Variants in BLVRA observed in about 807,000 individuals in gnomAD.
The protein encoded by BLVRA is biliverdin reductase A, also known as BVR A.
A neutral mutation model predicts 32.8 loss-of-function variants in BLVRA; 22 were observed. The observed-to-expected ratio is 0.67, with a 90% CI of 0.48 to 0.96. BLVRA has a LOEUF of 0.96. Ranked by LOEUF, BLVRA falls within the 40% of genes least tolerant of loss-of-function variation. The pLI is 0.00. For missense variants in BLVRA, 323 were observed against 358.1 expected (o/e 0.90, Z 0.79); for synonymous variants, 119 against 141.3 (o/e 0.84, Z 1.12).
intron 5 of BLVRA, among the ~76,000 whole-genome samples, chr7:43,794,755 TA>T (rs1389424989): frequency 6.6e-6 from 1 of 152,224 alleles, no homozygotes; most frequent in East Asian, 1.9e-4. Context: ...AATATCACTT[TA>T]AATCCTGGCA....
rs142175237 is a variant in BLVRA, at chr7:43,800,289, G to T, written c.353-176G>T. ...ATTCATTTCTGTTGTAAGCTTAGAA[G>T]TAGCAGCCTCTTCAGCTGGGGTGGG... is the stretch of plus-strand genomic sequence containing the variant. On this transcript the variant is annotated intron_variant, in intron 5 of 7. Coordinates refer to ENST00000265523, the MANE Select transcript of BLVRA (RefSeq NM_000712.4). The T allele has an allele frequency of 2.5e-4, 160 of 644,452 alleles. No homozygotes were observed. In the East Asian group the frequency reaches 4.2e-3, roughly 17 times the overall value. The allele number at this position is 644,452 out of a possible 1,614,324, so 39.9% of individuals were successfully genotyped here.
At chr7:43,799,287 G>A (rs1233677656) in intron 5 of BLVRA, among the ~76,000 whole-genome samples, 2 of 152,162 alleles carry the variant, frequency 1.3e-5, no homozygotes, top group Admixed American at 1.3e-4. Flanking sequence ...ACCGTCCCAG[G>A]AGCATCTCCC....
intron 7 of BLVRA, among the ~76,000 whole-genome samples, chr7:43,805,828 C>T (rs1228409473): frequency 6.6e-6 from 1 of 152,102 alleles, no homozygotes; most frequent in Admixed American, 6.6e-5. Flanking sequence ...AATTCCTGGG[C>T]TCAAGCGATC....
At chr7:43,802,831 G>A (rs1021793459) in intron 6 of BLVRA, among the ~76,000 whole-genome samples, 4 of 152,028 alleles carry the variant, frequency 2.6e-5, no homozygotes, top group South Asian at 2.1e-4. Flanking sequence ...TCTGCCTCCC[G>A]GGCTAAAGTG....
chr7:43,791,154 G>A, intron 3 of BLVRA, 95 bp from the exon 4 acceptor site: 1 of 1,580,190 alleles, frequency 6.3e-7, no homozygotes, highest in Non-Finnish European at 8.6e-7. Flanking sequence ...ATTTCTGGCA[G>A]CAGATCACCA....
chr7:43,798,820 CAT>C (rs1236429851), intron 5 of BLVRA, among the ~76,000 whole-genome samples: 2 of 152,118 alleles, frequency 1.3e-5, no homozygotes, highest in African/African-American at 4.8e-5. Flanking sequence ...CTGTGGTTAC[CAT>C]GTGTGTTTAT....
At chr7:43,788,173 A>C in intron 3 of BLVRA, 148 bp downstream of exon 3, 2 of 1,440,684 alleles carry the variant, frequency 1.4e-6, no homozygotes, top group Non-Finnish European at 1.9e-6. Flanking sequence ...ATAAGATCTC[A>C]GGTTGGGATG....
intron 2 of BLVRA, among the ~76,000 whole-genome samples, chr7:43,781,854 G>A (rs849161): frequency 0.44 from 67,247 of 151,908 alleles, 15,430 homozygotes; most frequent in African/African-American, 0.58. Flanking sequence ...AGTCACAGGG[G>A]GTTAAGGAGC....
chr7:43,767,845 CAA>C (rs34361520), intron 1 of BLVRA, among the ~76,000 whole-genome samples: 1 of 147,826 alleles, frequency 6.8e-6, no homozygotes, highest in Non-Finnish European at 1.5e-5. Context: ...ATGTTAATTA[CAA>C]AAAAAAAAGA....
chr7:43,805,008 C>T (rs923471971), intron 7 of BLVRA, among the ~76,000 whole-genome samples: 1 of 152,204 alleles, frequency 6.6e-6, no homozygotes, highest in African/African-American at 2.4e-5. Flanking sequence ...TGGCAGTGCT[C>T]CCTATGGAGT....
intron 1 of BLVRA, among the ~76,000 whole-genome samples, chr7:43,759,537 A>G (rs1483276558): frequency 6.6e-6 from 1 of 152,134 alleles, no homozygotes; most frequent in Non-Finnish European, 1.5e-5. Flanking sequence ...CTCACCTGTA[A>G]AAGTGGGGGT....
chr7:43,774,706 T>C (rs1375742824), intron 2 of BLVRA, among the ~76,000 whole-genome samples: 1 of 152,222 alleles, frequency 6.6e-6, no homozygotes, highest in African/African-American at 2.4e-5. Flanking sequence ...GGGGATGGCA[T>C]TGAATATATA....
chr7:43,765,079 AC>A (rs1283444763), intron 1 of BLVRA, among the ~76,000 whole-genome samples: 3 of 152,184 alleles, frequency 2.0e-5, no homozygotes, highest in African/African-American at 7.2e-5. Context: ...TGTTTTGCAG[AC>A]CGGCTGCAGT....
chr7:43,787,686 T>TG lies in BLVRA; in HGVS notation c.13-216dup, dbSNP rs1472518815. On this transcript the variant is annotated intron_variant, in intron 2 of 7. Transcript: ENST00000265523. The surrounding 1 kb of genome is among the most constrained non-coding windows in gnomAD (Gnocchi z 4.5). Reference sequence around the variant, plus strand: ...TCGGAAGGTTTTCAACCTAAAGACATGGTGGAGCACCTTCAAGAACAGGTT... The same window carrying TG: ...TCGGAAGGTTTTCAACCTAAAGACATGGGTGGAGCACCTTCAAGAACAGGTT... Among the ~76,000 whole-genome samples, 2 of 152,276 alleles carry TG rather than the reference T, an allele frequency of 1.3e-5. No individual in the cohort carries two copies. The highest frequency in any genetic ancestry group is 3.4e-3 in the Middle Eastern group (1 of 294).
chr7:43,806,304 ATC>A (rs1328080046), intron 7 of BLVRA, among the ~76,000 whole-genome samples: 2 of 151,836 alleles, frequency 1.3e-5, no homozygotes, highest in Non-Finnish European at 2.9e-5. Context: ...AAGAGCAAAC[ATC>A]TCAAAAAAAA....
chr7:43,778,823 G>A (rs1323168901), intron 2 of BLVRA, among the ~76,000 whole-genome samples: 5 of 152,338 alleles, frequency 3.3e-5, no homozygotes, highest in South Asian at 2.1e-4. Flanking sequence ...CGAGCTTCCC[G>A]GCTGCTTTGT....
intron 2 of BLVRA, among the ~76,000 whole-genome samples, chr7:43,771,810 C>T (rs1279298409): frequency 1.3e-5 from 2 of 152,202 alleles, no homozygotes; most frequent in African/African-American, 4.8e-5. Context: ...ATCTGGTGCT[C>T]AGCACCACCC....
chr7:43,767,456 G>A, intron 1 of BLVRA: 1 of 1,490,762 alleles, frequency 6.7e-7, no homozygotes, highest in East Asian at 2.3e-5. Context: ...TATATCTGGA[G>A]GCGCCCTTGG....
At chr7:43,803,923 G>A in intron 7 of BLVRA, 76 bp downstream of exon 7, 2 of 1,557,370 alleles carry the variant, frequency 1.3e-6, no homozygotes, top group Admixed American at 1.7e-5. Flanking sequence ...TCCAAAGGGA[G>A]CCCCGAGGGG....
Sources: gnomAD v4.1 joint callset for allele counts (sites outside exome capture counted in the v4.1 genomes callset) on GRCh38, gnomAD v4.1.1 for gene constraint, Gnocchi (gnomAD v3.1) non-coding constraint, MANE v1.5 for transcripts, NCBI Gene and HGNC (gene_info 2026-07-23, HGNC 2026-07-21) for gene names.